AK2: variants seen among roughly 807,000 people sequenced by gnomAD.
The protein encoded by AK2 is adenylate kinase 2, mitochondrial.
AK2 carries 15 observed loss-of-function variants against 24.6 expected under a neutral mutation model. The observed-to-expected ratio is 0.61, with a 90% CI of 0.41 to 0.94. The LOEUF is 0.94. Ranked by LOEUF, AK2 falls within the 40% of genes least tolerant of loss-of-function variation. The pLI, the probability that AK2 is intolerant of heterozygous loss-of-function variation, is 0.00. For missense variants in AK2, 257 were observed against 304.1 expected (o/e 0.85, Z 1.15); for synonymous variants, 102 against 114.0 (o/e 0.90, Z 0.67).
intron 2 of AK2, 86 bp downstream of exon 2, chr1:33,024,356 C>T (rs1639740777): frequency 6.4e-7 from 1 of 1,559,778 alleles, no homozygotes. Context: ...ATCTAAATAG[C>T]CACCTGTGGC....
intron 2 of AK2, among the ~76,000 whole-genome samples, chr1:33,022,329 C>T (rs1639605776): frequency 6.6e-6 from 1 of 150,922 alleles, no homozygotes; most frequent in Admixed American, 6.6e-5. Context: ...AACTGAAGAG[C>T]CAAGCCAACA....
intron 1 of AK2, among the ~76,000 whole-genome samples, chr1:33,028,713 ACT>A (rs1640057304): frequency 6.6e-6 from 1 of 151,780 alleles, no homozygotes; most frequent in South Asian, 2.1e-4. Flanking sequence ...CTCTATGAAA[ACT>A]CTGTGGGGTG....
chr1:33,014,274 T>A (rs899693736), intron 5 of AK2: 11 of 392,052 alleles, frequency 2.8e-5, no homozygotes, highest in Non-Finnish European at 4.4e-5. Context: ...AGAAGACAGG[T>A]ACAATCTGGG....
In AK2 at chr1:33,036,877, A is replaced by G. The variant is rs573627501; in HGVS notation, c.-49T>C. ...ACCAGTTCGCACGCCTCACAGGTCC[A>G]GTGCTTCCCAGGTCAACGCACGCAC... On this transcript the variant is annotated 5_prime_UTR_variant, in exon 1 of 6. Coordinates refer to ENST00000672715, the MANE Select transcript of AK2 (RefSeq NM_001625.4). The G allele has an allele frequency of 1.4e-6, 2 of 1,470,092 alleles. No individual in the cohort carries two copies. Among genetic ancestry groups the G allele is most frequent in the African/African-American group, 1.4e-5 (1 of 71,540 alleles). The allele number at this position is 1,470,092 out of a possible 1,614,324, so 91.1% of individuals were successfully genotyped here.
chr1:33,021,484 C>T, intron 3 of AK2, 23 bp from the exon 4 acceptor site: 1 of 1,611,300 alleles, frequency 6.2e-7, no homozygotes, highest in Non-Finnish European at 8.5e-7. Flanking sequence ...GTGTGGCCCA[C>T]CTAAGCTACC....
intron 5 of AK2, 22 bp from the exon 6 acceptor site, chr1:33,013,424 T>C (rs776740242): frequency 1.1e-5 from 18 of 1,608,184 alleles, no homozygotes; most frequent in Non-Finnish European, 1.4e-5. Flanking sequence ...AAGACAGCAA[T>C]GAAAGGCTGG....
rs777191860 is a variant in AK2, at chr1:33,009,948, A to G, written c.*3233T>C. ...AAATTTTAACATATTTTATTGATTT[A>G]GGGGCCAAACAAGGCAGCATTTGGT... On this transcript the variant is annotated 3_prime_UTR_variant, in exon 6 of 6. Coordinates refer to ENST00000672715, the MANE Select transcript of AK2 (RefSeq NM_001625.4). 1 of 454,616 alleles carries G rather than the reference A, an allele frequency of 2.2e-6. No individual in the cohort carries two copies. The highest frequency in any genetic ancestry group is 1.6e-5 in the South Asian group (1 of 64,482). The allele number at this position is 454,616 out of a possible 1,614,324, so 28.2% of individuals were successfully genotyped here.
chr1:33,014,662 GC>G, intron 4 of AK2, 68 bp from the exon 5 acceptor site: 2 of 1,354,380 alleles, frequency 1.5e-6, no homozygotes, highest in Non-Finnish European at 2.1e-6. Context: ...ACTCTAGGGG[GC>G]TCCAGAATGA....
chr1:33,016,480 G>C (rs919502702), intron 4 of AK2, among the ~76,000 whole-genome samples: 47 of 151,962 alleles, frequency 3.1e-4, no homozygotes, highest in African/African-American at 1.1e-3. Context: ...CGAAGTGCTG[G>C]GATTACAGGT....
chr1:33,020,144 G>A (rs563905519), intron 4 of AK2: 50 of 1,520,674 alleles, frequency 3.3e-5, no homozygotes, highest in Non-Finnish European at 4.2e-5. Flanking sequence ...AGAAGCAGAG[G>A]CATTTCTGTG....
intron 5 of AK2, among the ~76,000 whole-genome samples, chr1:33,013,792 A>G (rs1639001533): frequency 6.6e-6 from 1 of 152,222 alleles, no homozygotes; most frequent in South Asian, 2.1e-4. Context: ...TACATTAGCA[A>G]TTGTAATCTT....
chr1:33,018,017 G>A (rs1639302643), intron 4 of AK2, among the ~76,000 whole-genome samples: 1 of 152,020 alleles, frequency 6.6e-6, no homozygotes. Flanking sequence ...CTCCTGTTTA[G>A]GTCCCTACCA....
intron 1 of AK2, among the ~76,000 whole-genome samples, chr1:33,028,240 A>C (rs1640020923): frequency 6.6e-6 from 1 of 152,164 alleles, no homozygotes; most frequent in Non-Finnish European, 1.5e-5. Flanking sequence ...GCGGTGGCTC[A>C]CGCCTGTAAT....
At position 33,008,383 on chromosome 1, in the gene AK2, C is replaced by G. The variant is rs1391253742; in HGVS notation, c.*4798G>C. Reference sequence around the variant, plus strand: ...TTGTGAGGCTTCTGAGGAGGCTGCTCTCCATCCTGCTGTGTTCTGTCAGTG... The same window carrying G: ...TTGTGAGGCTTCTGAGGAGGCTGCTGTCCATCCTGCTGTGTTCTGTCAGTG... On this transcript the variant is annotated 3_prime_UTR_variant, in exon 6 of 6. Transcript: ENST00000672715. 2.2e-6 allele frequency: 1 copy of G among 453,994 alleles called. No homozygotes were observed. Among genetic ancestry groups the G allele is most frequent in the Non-Finnish European group, 4.4e-6 (1 of 226,798 alleles). The allele number at this position is 453,994 out of a possible 1,614,324, so 28.1% of individuals were successfully genotyped here. A position where few individuals can be genotyped will look rare whatever the true frequency, so the allele number is the denominator to read the frequency against.
At chr1:33,017,899 C>A (rs1011016043) in intron 4 of AK2, among the ~76,000 whole-genome samples, 10 of 152,114 alleles carry the variant, frequency 6.6e-5, no homozygotes, top group African/African-American at 2.4e-4. Context: ...GGACCACCAC[C>A]GCAGGTGCAC....
rs1557601102 is a variant in AK2, at chr1:33,007,998, G to T, written c.*5183C>A. ...CATGCAGAACCTCTCACACAGCTAA[G>T]AATTTAATATGTTAGACTATTATTA... On this transcript the variant is annotated 3_prime_UTR_variant, in exon 6 of 6. Coordinates refer to ENST00000672715, the MANE Select transcript of AK2 (RefSeq NM_001625.4). The T allele has an allele frequency of 4.4e-6, 2 of 453,732 alleles. No individual in the cohort carries two copies. The highest frequency in any genetic ancestry group is 1.6e-5 in the South Asian group (1 of 64,388). 28.1% of individuals were successfully genotyped at this position (453,732 alleles called of 1,614,324 possible).
chr1:33,012,621 G>A lies in AK2; in HGVS notation c.*560C>T. The A allele has an allele frequency of 7.8e-7, 1 of 1,289,804 alleles. No individual in the cohort carries two copies. Among genetic ancestry groups the A allele is most frequent in the Non-Finnish European group, 1.0e-6 (1 of 990,572 alleles). 79.9% of individuals were successfully genotyped at this position (1,289,804 alleles called of 1,614,324 possible). ...TTAAAGAAGTAAACAGCTGGGCTGG[G>A]TGTAGTGGCTCACGTCTGTGATCCT... On this transcript the variant is annotated 3_prime_UTR_variant, in exon 6 of 6. Transcript: ENST00000672715.
At chr1:33,034,609 G>C (rs542128344) in intron 1 of AK2, among the ~76,000 whole-genome samples, 1 of 152,286 alleles carries the variant, frequency 6.6e-6, no homozygotes, top group East Asian at 1.9e-4. Flanking sequence ...GAATGAGCAA[G>C]GTAGGTATTA....
intron 1 of AK2, among the ~76,000 whole-genome samples, chr1:33,036,261 G>A (rs983830259): frequency 2.6e-5 from 4 of 152,162 alleles, no homozygotes; most frequent in Admixed American, 2.0e-4. Context: ...ACGTGTTGGA[G>A]ATGCTTCTCC....
Sources: gnomAD v4.1 joint callset for allele counts (sites outside exome capture counted in the v4.1 genomes callset) on GRCh38, gnomAD v4.1.1 for gene constraint, MANE v1.5 for transcripts, NCBI Gene and HGNC (gene_info 2026-07-23, HGNC 2026-07-21) for gene names.